The following MYCBP2 variants were observed in gnomAD, a reference collection of about 807,000 sequenced individuals.
The protein encoded by MYCBP2 is MYC binding protein 2, also known as E3 ubiquitin-protein ligase MYCBP2.
MYCBP2 carries 120 observed loss-of-function variants against 525.3 expected under a neutral mutation model. The observed-to-expected ratio is 0.23, with a 90% CI of 0.20 to 0.27. MYCBP2 has a LOEUF of 0.27. MYCBP2 is among the 10% of genes least tolerant of loss of function. MYCBP2 has a pLI of 1.00. For missense variants in MYCBP2, 4,149 were observed against 5,657.1 expected, an observed-to-expected ratio of 0.73 and a Z score of 8.55; for synonymous variants, 1,894 against 1,955.8, an observed-to-expected ratio of 0.97 and a Z score of 0.83.
intron 46 of MYCBP2, 103 bp from the exon 47 acceptor site, chr13:77,151,052 T>C: frequency 1.1e-6 from 1 of 926,892 alleles, no homozygotes; most frequent in Non-Finnish European, 1.6e-6. Flanking sequence ...GTATACTTTA[T>C]GTTAGCATTG....
At chr13:77,128,744 T>C (rs2154169464) in intron 52 of MYCBP2, among the ~76,000 whole-genome samples, 1 of 152,068 alleles carries the variant, frequency 6.6e-6, no homozygotes, top group South Asian at 2.1e-4. Context: ...GCATATTAAA[T>C]TCATGAATTT....
At chr13:77,057,804 A>AGT (rs2154067305) in intron 78 of MYCBP2, among the ~76,000 whole-genome samples, 1 of 150,254 alleles carries the variant, frequency 6.7e-6, no homozygotes, top group South Asian at 2.1e-4. Flanking sequence ...ACTTCTGCCT[A>AGT]GTGATATAAA....
intron 46 of MYCBP2, among the ~76,000 whole-genome samples, chr13:77,152,110 T>A (rs2056544254): frequency 6.6e-6 from 1 of 152,218 alleles, no homozygotes; most frequent in African/African-American, 2.4e-5. Context: ...GTCTTTATGT[T>A]TATTGTTCTT....
chr13:77,263,705 A>T lies in MYCBP2; in HGVS notation c.1516T>A (p.Leu506Ile), dbSNP rs756456087. ...ELQLKLARKC[L>I]HACGISLFDL... ...AATAGTGAGATACCACAGGCATGTA[A>T]GCATTTTCTAGCCAGTTTAAGTTGC... Residue 506 changes from leucine (L) to isoleucine (I), a missense_variant, in exon 10 of 83, where the codon TTA becomes ATA. Leu to Ile is a conservative substitution (Grantham distance 5). Around this residue, in one of 21 missense-constraint regions of MYCBP2, gnomAD observed 262 missense variants for 419.3 expected, o/e 0.62. Transcript: ENST00000544440. The T allele has an allele frequency of 7.4e-6, 12 of 1,613,036 alleles. No individual in the cohort carries two copies. The East Asian group carries it at 2.7e-4, about 36-fold the overall frequency.
intron 55 of MYCBP2, among the ~76,000 whole-genome samples, chr13:77,105,192 G>A (rs1393837355): frequency 6.6e-6 from 1 of 152,052 alleles, no homozygotes; most frequent in Non-Finnish European, 1.5e-5. Flanking sequence ...GAAGACACAG[G>A]AATAGGAAAT....
chr13:77,146,102 T>A, intron 48 of MYCBP2, 60 bp downstream of exon 48: 2 of 1,111,714 alleles, frequency 1.8e-6, no homozygotes, highest in Non-Finnish European at 2.6e-6. Context: ...GCAGGATGAT[T>A]TTAGTTGCAA....
rs763310443 is a variant in MYCBP2 at position 77,257,774 on chromosome 13, A to G, written c.2073T>C (p.Ala691=). 7.7e-5 allele frequency: 124 copies of G among 1,613,106 alleles called. No individual in the cohort carries two copies. The Middle Eastern group carries it at 2.5e-3, about 32-fold the overall frequency. ...CATTCTTCATTAAAACACAAGTGTG[A>G]GCTTTGCCCATAGCTACCTGAGTTA... ...HFVTQVAMGK[A]HTCVLMKNGE... Residue 691 remains alanine (A), a synonymous_variant, in exon 14 of 83, where the codon GCT becomes GCC. Transcript: ENST00000544440.
intron 62 of MYCBP2, 78 bp downstream of exon 62, chr13:77,087,406 G>A: frequency 8.3e-7 from 1 of 1,203,804 alleles, no homozygotes; most frequent in Non-Finnish European, 1.2e-6. Flanking sequence ...ATGATTTCAT[G>A]CAAATTATTG....
At position 77,045,123 on chromosome 13, in the gene MYCBP2, C is replaced by T. The variant is rs771278156; in HGVS notation, c.*255G>A. 6.3e-5 allele frequency: 28 copies of T among 443,082 alleles called. No individual in the cohort carries two copies. In the East Asian group the frequency reaches 8.2e-4, roughly 13 times the overall value. The allele number at this position is 443,082 out of a possible 1,614,324, so 27.4% of individuals were successfully genotyped here. A position where few individuals can be genotyped will look rare whatever the true frequency, so the allele number is the denominator to read the frequency against. On this transcript the variant is annotated 3_prime_UTR_variant, in exon 83 of 83. Transcript: ENST00000544440. ...TGTCCAATGCTTCACAGGCCAATGA[C>T]GGTAATGGCCACATGCAAACACCTC...
intron 62 of MYCBP2, among the ~76,000 whole-genome samples, chr13:77,086,243 GA>G (rs2044242727): frequency 2.0e-5 from 3 of 151,866 alleles, no homozygotes; most frequent in African/African-American, 7.3e-5. Context: ...TCAGCACGTT[GA>G]AAAAAACCAA....
intron 36 of MYCBP2, among the ~76,000 whole-genome samples, chr13:77,175,089 CAGTT>C (rs1350277617): frequency 2.0e-5 from 3 of 147,700 alleles, no homozygotes; most frequent in Non-Finnish European, 4.4e-5. Flanking sequence ...CCATCACACT[CAGTT>C]AATTTTTTAG....
chr13:77,285,508 C>G (rs1183341136), intron 3 of MYCBP2, among the ~76,000 whole-genome samples: 1 of 152,114 alleles, frequency 6.6e-6, no homozygotes, highest in East Asian at 1.9e-4. Context: ...AGCTATTGGC[C>G]AGGCACGGTG....
rs903638421 is a variant in MYCBP2, at chr13:77,044,716, G to A, written c.*662C>T. On this transcript the variant is annotated 3_prime_UTR_variant, in exon 83 of 83. Transcript: ENST00000544440. ...TTTATTGACATGTACATTCCAATAT[G>A]TTTACAGCTGCAAGATAATGAGGCA... The A allele has an allele frequency of 7.5e-6, 3 of 398,494 alleles. No homozygotes were observed. Among genetic ancestry groups the A allele is most frequent in the African/African-American group, 6.2e-5 (3 of 48,546 alleles). 24.7% of individuals were successfully genotyped at this position (398,494 alleles called of 1,614,324 possible).
At chr13:77,055,828 T>C (rs1692342386) in intron 79 of MYCBP2, 61 bp from the exon 80 acceptor site, 3 of 1,195,996 alleles carry the variant, frequency 2.5e-6, no homozygotes, top group Admixed American at 1.9e-5. Context: ...AACAAACACT[T>C]AGCATGCACC....
intron 42 of MYCBP2, among the ~76,000 whole-genome samples, 158 bp downstream of exon 42, chr13:77,165,115 C>T (rs944175942): frequency 6.6e-6 from 1 of 152,164 alleles, no homozygotes; most frequent in Non-Finnish European, 1.5e-5. Context: ...GATTCTCTCA[C>T]CTCTCAAAGT....
Position 77,088,834 on chromosome 13 carries a change from C to T in MYCBP2, c.10723G>A (p.Glu3575Lys). Reference protein sequence around the residue: ...RKSACRVFAMEAFNWLLCNVI... With the variant: ...RKSACRVFAMKAFNWLLCNVI... ...TAATTTCATTAATGTCTTCATACCTCCATAGCAAAAACTCGACAAGCAGAT... is the reference window on the plus strand; with the variant it reads ...TAATTTCATTAATGTCTTCATACCTTCATAGCAAAAACTCGACAAGCAGAT... The change falls in exon 61 of 83, where the codon GAG (glutamate) becomes AAG (lysine). Residue 3575 changes from glutamate (E) to lysine (K), a missense_variant and splice_region_variant. This residue lies in a region of MYCBP2 where 509 missense variants were observed against 789.4 expected (regional missense o/e 0.64). Transcript: ENST00000544440. 6.2e-7 allele frequency: 1 copy of T among 1,611,044 alleles called. No homozygotes were observed. Among genetic ancestry groups the T allele is most frequent in the Non-Finnish European group, 8.5e-7 (1 of 1,177,830 alleles).
At position 77,326,724 on chromosome 13, in the gene MYCBP2, C is replaced by T. The variant is rs950899836; in HGVS notation, c.52G>A (p.Gly18Ser). 15 of 1,411,916 alleles carry T rather than the reference C, an allele frequency of 1.1e-5. No homozygotes were observed. The highest frequency in any genetic ancestry group is 1.4e-5 in the Non-Finnish European group (15 of 1,096,112). The allele number at this position is 1,411,916 out of a possible 1,614,324, so 87.5% of individuals were successfully genotyped here. ...ASPAAASSGL[G>S]GDGFYPAATF... ...GCGGCTGGGTAGAATCCGTCCCCGC[C>T]GAGCCCCGAGGAGGCGGCGGCGGGG... Residue 18 changes from glycine (G) to serine (S), a missense_variant, in exon 1 of 83, where the codon GGC becomes AGC. By Grantham distance (56) the Gly-to-Ser change is moderately conservative (BLOSUM62 0). Transcript: ENST00000544440. The surrounding 1 kb of genome is among the most constrained non-coding windows in gnomAD (Gnocchi z 4.2).
intron 48 of MYCBP2, among the ~76,000 whole-genome samples, chr13:77,144,763 C>T (rs2055250842): frequency 6.6e-6 from 1 of 152,138 alleles, no homozygotes; most frequent in Non-Finnish European, 1.5e-5. Context: ...CTTCCTAACT[C>T]TCAGGTGATC....
intron 1 of MYCBP2, among the ~76,000 whole-genome samples, chr13:77,315,184 T>C (rs2080784094): frequency 6.6e-6 from 1 of 152,224 alleles, no homozygotes; most frequent in Non-Finnish European, 1.5e-5. Flanking sequence ...CAGGACCAGA[T>C]GGTGCCACTG....
Sources: allele counts gnomAD v4.1 joint callset (sites outside exome capture counted in the v4.1 genomes callset), GRCh38; gene constraint gnomAD v4.1.1; regional missense constraint gnomAD v4.1.1; non-coding constraint Gnocchi (gnomAD v3.1); transcripts MANE v1.5; gene names NCBI Gene and HGNC (gene_info 2026-07-23, HGNC 2026-07-21).